The following ZNF440 variants were observed in gnomAD, a reference collection of about 807,000 sequenced individuals.
The protein encoded by ZNF440 is zinc finger protein 440.
Under a neutral mutation model 49.7 loss-of-function variants are expected in ZNF440, and 47 were observed. The observed-to-expected ratio is 0.95, with a 90% confidence interval of 0.75 to 1.21. ZNF440 has a LOEUF of 1.21. Ranked by LOEUF, ZNF440 falls within the 50% of genes most tolerant of loss-of-function variation. ZNF440 has a pLI of 0.00. For synonymous variants in ZNF440, 255 were observed against 237.7 expected (o/e 1.07, Z -0.67); for missense variants, 703 against 715.0 (o/e 0.98, Z 0.19).
chr19:11,818,449 A>T (rs1243458868), intron 1 of ZNF440, among the ~76,000 whole-genome samples: 5 of 152,168 alleles, frequency 3.3e-5, no homozygotes, highest in Admixed American at 3.3e-4. Flanking sequence ...TGGCTCCCCT[A>T]GGCACCTGCT....
chr19:11,815,623 G>A (rs7251759), intron 1 of ZNF440, among the ~76,000 whole-genome samples: 3,843 of 152,204 alleles, frequency 0.025, 148 homozygotes, highest in African/African-American at 0.084. Flanking sequence ...AAGAGTTTAG[G>A]GCCGGGCGCG....
Position 11,832,828 on chromosome 19 carries a change from C to G in ZNF440, c.1652C>G (p.Pro551Arg). Reference sequence around the variant, plus strand: ...ATGAGTGTGAGCAATGACGGAAAGCCTTCAGATCTGCCCCACACCTTTGAA... The same window carrying G: ...ATGAGTGTGAGCAATGACGGAAAGCGTTCAGATCTGCCCCACACCTTTGAA... Reference protein sequence around the residue: ...NPMSVSNDGKPSDLPHTFEYV... With the variant: ...NPMSVSNDGKRSDLPHTFEYV... Residue 551 changes from proline to arginine, a missense_variant, in exon 4 of 4, where the codon CCT (proline) becomes CGT (arginine). Transcript: ENST00000304060. 6.2e-7 allele frequency: 1 copy of G among 1,614,076 alleles called. No individual in the cohort carries two copies. Among genetic ancestry groups the G allele is most frequent in the South Asian group, 1.1e-5 (1 of 91,080 alleles).
intron 1 of ZNF440, among the ~76,000 whole-genome samples, chr19:11,828,681 C>CTTTTTCTTTTTTTTTTTTTTTTTTTTT (rs1975896288): frequency 6.8e-6 from 1 of 147,714 alleles, no homozygotes; most frequent in Non-Finnish European, 1.5e-5. Flanking sequence ...GTTATTTTTT[C>CTTTTTCTTTTTTTTTTTTTTTTTTTTT]TTTTTCTTTT....
At position 11,831,863 on chromosome 19, in the gene ZNF440, A is replaced by G. The variant is rs557774008; in HGVS notation, c.687A>G (p.Glu229=). The G allele has an allele frequency of 6.2e-7, 1 of 1,613,944 alleles. No individual in the cohort carries two copies. The highest frequency in any genetic ancestry group is 1.3e-5 in the African/African-American group (1 of 75,008). Residue 229 remains glutamate, a synonymous_variant, in exon 4 of 4, where the codon GAA becomes GAG. Coordinates refer to ENST00000304060, the MANE Select transcript of ZNF440 (RefSeq NM_152357.3). ...ERIHTGEKPC[E]CKQCGKSFSY... is the part of the protein sequence containing the mutation. Reference sequence around the variant, plus strand: ...TTCACACTGGAGAGAAACCATGTGAATGTAAACAGTGTGGTAAATCCTTTA... The same window carrying G: ...TTCACACTGGAGAGAAACCATGTGAGTGTAAACAGTGTGGTAAATCCTTTA...
intron 1 of ZNF440, among the ~76,000 whole-genome samples, chr19:11,822,645 C>G (rs3206740): frequency 6.6e-6 from 1 of 152,020 alleles, no homozygotes; most frequent in Non-Finnish European, 1.5e-5. Context: ...ATCAGGAGTT[C>G]AAGATCAGCC....
rs117876952 is a variant in ZNF440 at position 11,822,928 on chromosome 19, C to T, written c.4-7355C>T. On this transcript the variant is annotated intron_variant, in intron 1 of 3. Transcript: ENST00000304060. ...TTTGTCTCTCTGATAATACCATTTT[C>T]TCTTAATTAGTATAGCATTCAAAGC... Among the ~76,000 whole-genome samples, 583 of 150,812 alleles carry T rather than the reference C, an allele frequency of 3.9e-3. 20 individuals carry two copies. The East Asian group carries it at 0.076, about 20-fold the overall frequency.
intron 1 of ZNF440, chr19:11,816,491 C>T (rs1975733933): frequency 6.6e-6 from 1 of 152,126 alleles, no homozygotes; most frequent in Non-Finnish European, 1.5e-5. Flanking sequence ...GCGTCAGTTG[C>T]TGCATGTAAA....
intron 1 of ZNF440, 44 bp downstream of exon 1, chr19:11,814,494 T>G: frequency 6.8e-7 from 1 of 1,480,936 alleles, no homozygotes; most frequent in Non-Finnish European, 9.0e-7. Context: ...GGAGAGGGGC[T>G]GGAATCGGCC....
intron 1 of ZNF440, among the ~76,000 whole-genome samples, chr19:11,824,945 G>T (rs937378534): frequency 1.6e-4 from 24 of 151,822 alleles, no homozygotes; most frequent in African/African-American, 5.8e-4. Flanking sequence ...CTGACCTTGT[G>T]ATTCGCCCAC....
At chr19:11,823,796 C>T (rs1318455866) in intron 1 of ZNF440, among the ~76,000 whole-genome samples, 1 of 152,010 alleles carries the variant, frequency 6.6e-6, no homozygotes, top group Non-Finnish European at 1.5e-5. Context: ...AACCCTGTCT[C>T]TACTAAAAAT....
chr19:11,831,635 C>G lies in ZNF440; in HGVS notation c.459C>G (p.Phe153Leu), dbSNP rs763820178. 1 of 1,614,192 alleles carries G rather than the reference C, an allele frequency of 6.2e-7. No individual in the cohort carries two copies. The highest frequency in any genetic ancestry group is 8.5e-7 in the Non-Finnish European group (1 of 1,180,030). Residue 153 changes from phenylalanine (F) to leucine (L), a missense_variant, in exon 4 of 4, where the codon TTC becomes TTG. By Grantham distance (22) the Phe-to-Leu change is conservative. Transcript: ENST00000304060. ...PCKCQQPKKAFRYRPSFRTQE... is the reference protein window; with the variant it reads ...PCKCQQPKKALRYRPSFRTQE... ...AGTGTCAACAACCTAAAAAAGCCTT[C>G]AGATACCGCCCCTCCTTTAGAACAC...
Position 11,833,689 on chromosome 19 carries a change from C to A in ZNF440, c.*725C>A. Reference sequence around the variant, plus strand: ...ATGCCAAGTGGGAAAGCCTTCATTTCTTCTAGTTCCCTTCAATATCATGAA... The same window carrying A: ...ATGCCAAGTGGGAAAGCCTTCATTTATTCTAGTTCCCTTCAATATCATGAA... On this transcript the variant is annotated 3_prime_UTR_variant, in exon 4 of 4. Coordinates refer to ENST00000304060, the MANE Select transcript of ZNF440 (RefSeq NM_152357.3). 1.8e-6 allele frequency: 1 copy of A among 554,688 alleles called. No homozygotes were observed. Among genetic ancestry groups the A allele is most frequent in the Non-Finnish European group, 3.0e-6 (1 of 331,828 alleles). The allele number at this position is 554,688 out of a possible 1,614,324, so 34.4% of individuals were successfully genotyped here. A position where few individuals can be genotyped will look rare whatever the true frequency, so the allele number is the denominator to read the frequency against.
In ZNF440 at chr19:11,834,912, G is replaced by A. The variant is rs1225390894; in HGVS notation, c.*1948G>A. ...CTACTAAAAATACAAAAGTTAGCAG[G>A]GCGTGGTGGCATGCTCCTGTAATCC... On this transcript the variant is annotated 3_prime_UTR_variant, in exon 4 of 4. Coordinates refer to ENST00000304060, the MANE Select transcript of ZNF440 (RefSeq NM_152357.3). The A allele has an allele frequency of 6.6e-6, 1 of 151,904 alleles. No individual in the cohort carries two copies. Among genetic ancestry groups the A allele is most frequent in the African/African-American group, 2.4e-5 (1 of 41,322 alleles). The allele number at this position is 151,904 out of a possible 1,614,324, so 9.4% of individuals were successfully genotyped here.
intron 1 of ZNF440, chr19:11,816,437 AGTCTGTTTTTCCAGTCAGATAAT>A (rs1975733347): frequency 6.6e-6 from 1 of 152,010 alleles, no homozygotes; most frequent in Non-Finnish European, 1.5e-5. Flanking sequence ...TGCCACAAGG[AGTCTGTTTTTCCAGTCAGATAAT>A]GTCTGTTTTT....
intron 1 of ZNF440, among the ~76,000 whole-genome samples, chr19:11,819,989 C>T (rs960700273): frequency 6.6e-6 from 1 of 152,158 alleles, no homozygotes; most frequent in African/African-American, 2.4e-5. Context: ...ATCCTCCACC[C>T]TCATACCACA....
At chr19:11,820,998 T>C (rs1975793230) in intron 1 of ZNF440, among the ~76,000 whole-genome samples, 6 of 152,136 alleles carry the variant, frequency 3.9e-5, no homozygotes, top group Admixed American at 3.9e-4. Flanking sequence ...TCCTTTCCTC[T>C]ATGTGAAATG....
chr19:11,825,792 T>TA (rs1491252061), intron 1 of ZNF440, among the ~76,000 whole-genome samples: 4 of 40,684 alleles, frequency 9.8e-5, no homozygotes, highest in Non-Finnish European at 1.7e-4. Context: ...ACTGATTTTC[T>TA]TTTTTTTTTC....
chr19:11,830,025 G>C (rs1048058805), intron 1 of ZNF440: 1 of 573,678 alleles, frequency 1.7e-6, no homozygotes, highest in Non-Finnish European at 2.8e-6. Context: ...AGGAGGCTGA[G>C]GAAGAAGAAG....
At chr19:11,824,702 C>T (rs1157764229) in intron 1 of ZNF440, among the ~76,000 whole-genome samples, 3 of 145,478 alleles carry the variant, frequency 2.1e-5, no homozygotes, top group Non-Finnish European at 3.0e-5. Flanking sequence ...TTCCCCCCAC[C>T]ACCCTTTTTT....
Sources: gnomAD v4.1 joint callset for allele counts (sites outside exome capture counted in the v4.1 genomes callset) on GRCh38, gnomAD v4.1.1 for gene constraint, MANE v1.5 for transcripts, NCBI Gene and HGNC (gene_info 2026-07-23, HGNC 2026-07-21) for gene names.